PCDH12: variants seen among roughly 807,000 people sequenced by gnomAD.
PCDH12 encodes protocadherin 12.
PCDH12 carries 45 observed loss-of-function variants against 70.9 expected under a neutral mutation model. The observed-to-expected ratio is 0.63, with a 90% CI of 0.50 to 0.81. The LOEUF (loss-of-function observed/expected upper bound fraction) is 0.81, where lower values mean the gene tolerates loss of function less well. PCDH12 is among the 40% of genes least tolerant of loss of function. The pLI, the probability that PCDH12 is intolerant of heterozygous loss-of-function variation, is 0.00. For missense variants in PCDH12, 1,370 were observed against 1,491.7 expected (o/e 0.92, Z 1.34); for synonymous variants, 567 against 626.0 (o/e 0.91, Z 1.41).
At position 141,957,545 on chromosome 5, in the gene PCDH12, G is replaced by T. The variant is rs750318918; in HGVS notation, c.307C>A (p.Pro103Thr). The stretch of plus-strand genomic sequence containing the variant: ...AGCACATCAAAGGAAACCAGGCAGG[G>T]ATCCCACTGTCGGCACAGCTGCTCT... ...DREQLCRQWDPCLVSFDVLAT... is the reference protein window; with the variant it reads ...DREQLCRQWDTCLVSFDVLAT... The change falls in exon 1 of 4, where the codon CCC (proline) becomes ACC (threonine). Residue 103 changes from proline to threonine, a missense_variant. Pro to Thr is a conservative substitution (Grantham distance 38, BLOSUM62 -1). Transcript: ENST00000231484. This position sits in a 1 kb window ranked among gnomAD's most constrained non-coding sequence, Gnocchi z 4.3. The T allele has an allele frequency of 1.1e-5, 17 of 1,614,078 alleles. No individual in the cohort carries two copies. The highest frequency in any genetic ancestry group is 6.7e-5 in the Admixed American group (4 of 59,998).
rs375734807 is a variant in PCDH12, at chr5:141,955,355, C to T, written c.2497G>A (p.Gly833Arg). The part of the protein sequence containing the change: ...YRTLRNQGNQ[G>R]APAESREVLQ... ...ACCTCTCGGCTCTCCGCCGGTGCTC[C>T]CTGGTTGCCTTGATTACGCAGCGTC... The change falls in exon 1 of 4, where the codon GGA becomes AGA. Residue 833 changes from glycine to arginine, a missense_variant. By Grantham distance (125) the Gly-to-Arg change is moderately radical (BLOSUM62 -2). Transcript: ENST00000231484. This position sits in a 1 kb window ranked among gnomAD's most constrained non-coding sequence, Gnocchi z 5.5. The T allele has an allele frequency of 2.5e-6, 4 of 1,614,012 alleles. No homozygotes were observed. The highest frequency in any genetic ancestry group is 1.3e-5 in the African/African-American group (1 of 74,940).
rs140883612 is a variant in PCDH12 at position 141,957,293 on chromosome 5, C to T, written c.559G>A (p.Gly187Ser). 1.3e-3 allele frequency: 2,075 copies of T among 1,613,460 alleles called. 32 individuals carry two copies. The African/African-American group carries it at 0.025, about 19-fold the overall frequency. Residue 187 changes from glycine to serine, a missense_variant, in exon 1 of 4, where the codon GGC becomes AGC. By Grantham distance (56) the Gly-to-Ser change is moderately conservative. Coordinates refer to ENST00000231484, the MANE Select transcript of PCDH12 (RefSeq NM_016580.4). This position sits in a 1 kb window ranked among gnomAD's most constrained non-coding sequence, Gnocchi z 4.3. ...TCTGCATGTTTGGTCTCATCAGGGC[C>T]CACAATGACATCCAAGGCAAAGTGC... ...SEHFALDVIV[G>S]PDETKHAELI... is the part of the protein sequence containing the mutation.
Position 141,944,611 on chromosome 5 carries a change from C to T in PCDH12, c.*770G>A, listed in dbSNP as rs966968448. 6.6e-6 allele frequency: 1 copy of T among 152,226 alleles called. No individual in the cohort carries two copies. The highest frequency in any genetic ancestry group is 1.5e-5 in the Non-Finnish European group (1 of 68,054). The allele number at this position is 152,226 out of a possible 1,614,324, so 9.4% of individuals were successfully genotyped here. A position where few individuals can be genotyped will look rare whatever the true frequency, so the allele number is the denominator to read the frequency against. On this transcript the variant is annotated 3_prime_UTR_variant, in exon 4 of 4. Transcript: ENST00000231484. Reference sequence around the variant, plus strand: ...GGGAAAGCCACTTGACCTCTCCAAGCCCCATATCCGTGTCTGTGAAATGGG... The same window carrying T: ...GGGAAAGCCACTTGACCTCTCCAAGTCCCATATCCGTGTCTGTGAAATGGG...
At chr5:141,949,727 T>C (rs1753037527) in intron 2 of PCDH12, 144 bp from the exon 3 acceptor site, 1 of 847,692 alleles carries the variant, frequency 1.2e-6, no homozygotes, top group Non-Finnish European at 1.8e-6. Flanking sequence ...ACCTGGATCA[T>C]GTGATTCCCG....
rs1753164596 is a variant in PCDH12, at chr5:141,955,549, T to C, written c.2303A>G (p.Lys768Arg). 2 of 1,614,196 alleles carry C rather than the reference T, an allele frequency of 1.2e-6. No homozygotes were observed. The highest frequency in any genetic ancestry group is 1.1e-5 in the South Asian group (1 of 91,080). The change falls in exon 1 of 4, where the codon AAA becomes AGA. Residue 768 changes from lysine (K) to arginine (R), a missense_variant. Coordinates refer to ENST00000231484, the MANE Select transcript of PCDH12 (RefSeq NM_016580.4). The surrounding 1 kb of genome is among the most constrained non-coding windows in gnomAD (Gnocchi z 5.5). ...GTGGATGTCTGCCTTCTGAATGTGTTTCTGGGGCCTCTTGGGCTGCTGGCG... is the reference window on the plus strand; with the variant it reads ...GTGGATGTCTGCCTTCTGAATGTGTCTCTGGGGCCTCTTGGGCTGCTGGCG... Reference protein sequence around the residue: ...TYRQQPKRPQKHIQKADIHLV... With the variant: ...TYRQQPKRPQRHIQKADIHLV...
intron 3 of PCDH12, among the ~76,000 whole-genome samples, chr5:141,948,020 G>T (rs1010514706): frequency 6.6e-5 from 10 of 152,200 alleles, no homozygotes; most frequent in Non-Finnish European, 2.9e-5. Context: ...AATGTGGCTG[G>T]TATGGCAGAA....
At chr5:141,953,280 C>T (rs1255565102) in intron 1 of PCDH12, 1 of 152,122 alleles carries the variant, frequency 6.6e-6, no homozygotes, top group East Asian at 1.9e-4. Flanking sequence ...TCAGTTTCCT[C>T]AACAGTAAAA....
intron 3 of PCDH12, among the ~76,000 whole-genome samples, chr5:141,949,084 G>A (rs1296104224): frequency 1.3e-5 from 2 of 151,650 alleles, no homozygotes; most frequent in Non-Finnish European, 2.9e-5. Context: ...AGCGGGATGT[G>A]GTGGTGGTGC....
rs1221393977 is a variant in PCDH12, at chr5:141,945,521, G to GC, written c.3414dup (p.Leu1139AlafsTer33). 2 of 1,613,802 alleles carry GC rather than the reference G, an allele frequency of 1.2e-6. No individual in the cohort carries two copies. Among genetic ancestry groups the GC allele is most frequent in the Non-Finnish European group, 1.7e-6 (2 of 1,179,940 alleles). On this transcript the variant is annotated frameshift_variant, in exon 4 of 4. Transcript: ENST00000231484. LOFTEE classifies it low-confidence loss of function (END_TRUNC). ...CTGAGGGTCCTCCCGCAGACCGAGA[G>GC]CCGCCGCAGCGCCTCGGAGGCGGCC...
Position 141,956,608 on chromosome 5 carries a change from T to C in PCDH12, c.1244A>G (p.Asn415Ser), listed in dbSNP as rs972128196. 2.5e-6 allele frequency: 4 copies of C among 1,614,156 alleles called. No individual in the cohort carries two copies. Among genetic ancestry groups the C allele is most frequent in the South Asian group, 1.1e-5 (1 of 91,092 alleles). ...CCACTGCTCTCTGTCCAGTGTGGCA[T>C]TGGTTAGCAACATGTATGTGTTGCC... ...TNGNTYMLLT[N>S]ATLDREQWPK... Residue 415 changes from asparagine (N) to serine (S), a missense_variant, in exon 1 of 4, where the codon AAT becomes AGT. Physicochemically the swap from Asn to Ser is conservative, Grantham distance 46. Transcript: ENST00000231484.
rs1220936161 is a variant in PCDH12 at position 141,955,797 on chromosome 5, T to C, written c.2055A>G (p.Leu685=). ...IVVEDQGSPP[L]QTRALLRVMF... ...TGACCCTCAACAGGGCTCGGGTCTG[T>C]AAGGGGGGGCTTCCCTGGTCCTCTA... The change falls in exon 1 of 4, where the codon TTA becomes TTG. Residue 685 remains leucine, a synonymous_variant. Transcript: ENST00000231484. This position sits in a 1 kb window ranked among gnomAD's most constrained non-coding sequence, Gnocchi z 5.5. 6.2e-7 allele frequency: 1 copy of C among 1,613,632 alleles called. No individual in the cohort carries two copies. Among genetic ancestry groups the C allele is most frequent in the Non-Finnish European group, 8.5e-7 (1 of 1,179,880 alleles).
chr5:141,951,482 G>A lies in PCDH12; in HGVS notation c.2978+11C>T, dbSNP rs765986789. 9.3e-6 allele frequency: 15 copies of A among 1,610,120 alleles called. No individual in the cohort carries two copies. Among genetic ancestry groups the A allele is most frequent in the Admixed American group, 3.3e-5 (2 of 59,996 alleles). The stretch of plus-strand genomic sequence containing the variant: ...GCCTTGAGATGCCTGTGGGGGCTAC[G>A]TGCTGCTTACCTGCTGCCTCCTGGC... On this transcript the variant is annotated intron_variant, in intron 2 of 3. Coordinates refer to ENST00000231484, the MANE Select transcript of PCDH12 (RefSeq NM_016580.4).
intron 1 of PCDH12, chr5:141,952,878 A>G (rs1041439967): frequency 6.6e-6 from 1 of 152,234 alleles, no homozygotes; most frequent in African/African-American, 2.4e-5. Flanking sequence ...TTCCTCCCTT[A>G]GGAGGTCCAC....
intron 3 of PCDH12, among the ~76,000 whole-genome samples, chr5:141,946,085 T>G (rs1003390432): frequency 1.3e-5 from 2 of 152,278 alleles, no homozygotes; most frequent in African/African-American, 4.8e-5. Flanking sequence ...TCTGAAGAAT[T>G]TCCCAATCTG....
In PCDH12 at chr5:141,956,656, T is replaced by C; in HGVS notation, c.1196A>G (p.His399Arg). The C allele has an allele frequency of 6.2e-7, 1 of 1,614,232 alleles. No individual in the cohort carries two copies. Among genetic ancestry groups the C allele is most frequent in the Non-Finnish European group, 8.5e-7 (1 of 1,180,040 alleles). Residue 399 changes from histidine (H) to arginine (R), a missense_variant, in exon 1 of 4, where the codon CAC (histidine) becomes CGC (arginine). Physicochemically the swap from His to Arg is conservative, Grantham distance 29. Transcript: ENST00000231484. Reference sequence around the variant, plus strand: ...GCCATTAGTTCTTTTCAGCCTGAAGTGGCCCAGCTCTTGGCTCAGCCAGCA... The same window carrying C: ...GCCATTAGTTCTTTTCAGCCTGAAGCGGCCCAGCTCTTGGCTCAGCCAGCA... ...VHCWLSQELG[H>R]FRLKRTNGNT...
Position 141,945,623 on chromosome 5 carries a change from G to T in PCDH12, c.3313C>A (p.Leu1105Met). The T allele has an allele frequency of 6.2e-7, 1 of 1,614,218 alleles. No individual in the cohort carries two copies. The highest frequency in any genetic ancestry group is 2.2e-5 in the East Asian group (1 of 44,882). ...ATCTCCGAGACAAAGGTGCTGGCCA[G>T]CCTCGTGCCTGTTGGGCTCAGCTCT... ...APELSPTGTR[L>M]ASTFVSEMSS... Residue 1105 changes from leucine to methionine, a missense_variant, in exon 4 of 4, where the codon CTG becomes ATG. Leu to Met is a conservative substitution (Grantham distance 15). Coordinates refer to ENST00000231484, the MANE Select transcript of PCDH12 (RefSeq NM_016580.4).
chr5:141,955,216 G>A lies in PCDH12; in HGVS notation c.2636C>T (p.Pro879Leu). The stretch of plus-strand genomic sequence containing the variant: ...TGTGGGGCTGCCTGCAACCTTCAGA[G>A]GCCTGGAACGTGGCTGGCCTGTGGC... ...QPATGQPRSR[P>L]LKVAGSPTGR... Residue 879 changes from proline to leucine, a missense_variant, in exon 1 of 4, where the codon CCT (proline) becomes CTT (leucine). By Grantham distance (98) the Pro-to-Leu change is moderately conservative. Coordinates refer to ENST00000231484, the MANE Select transcript of PCDH12 (RefSeq NM_016580.4). The surrounding 1 kb of genome is among the most constrained non-coding windows in gnomAD (Gnocchi z 5.5). 3 of 1,614,240 alleles carry A rather than the reference G, an allele frequency of 1.9e-6. No individual in the cohort carries two copies. The highest frequency in any genetic ancestry group is 2.5e-6 in the Non-Finnish European group (3 of 1,180,044).
chr5:141,945,781 G>A lies in PCDH12; in HGVS notation c.3155C>T (p.Ala1052Val), dbSNP rs765382947. 6.2e-7 allele frequency: 1 copy of A among 1,613,226 alleles called. No individual in the cohort carries two copies. Among genetic ancestry groups the A allele is most frequent in the South Asian group, 1.1e-5 (1 of 91,040 alleles). Residue 1052 changes from alanine (A) to valine (V), a missense_variant, in exon 4 of 4, where the codon GCC becomes GTC. By Grantham distance (64) the Ala-to-Val change is moderately conservative. Transcript: ENST00000231484. ...TCTCGCCATCCAGGCCGGGTCAGGG[G>A]CGCTCAGCCGGTCCAGGGCCAGACC... ...STGLALDRLSAPDPAWMARLS... is the reference protein window; with the variant it reads ...STGLALDRLSVPDPAWMARLS...
intron 1 of PCDH12, among the ~76,000 whole-genome samples, chr5:141,954,257 C>T (rs1400497412): frequency 1.3e-5 from 2 of 152,140 alleles, no homozygotes; most frequent in African/African-American, 2.4e-5. Flanking sequence ...CAGGCCCAGC[C>T]GGAAAGCTCT....
Sources: gnomAD v4.1 joint callset for allele counts (sites outside exome capture counted in the v4.1 genomes callset) on GRCh38, gnomAD v4.1.1 for gene constraint, Gnocchi (gnomAD v3.1) non-coding constraint, MANE v1.5 for transcripts, NCBI Gene and HGNC (gene_info 2026-07-23, HGNC 2026-07-21) for gene names.